SPATA22: variants seen among roughly 807,000 people sequenced by gnomAD.
SPATA22 encodes spermatogenesis associated 22, also known as spermatogenesis-associated protein 22.
A neutral mutation model predicts 47.8 loss-of-function variants in SPATA22; 29 were observed. The ratio of observed to expected loss-of-function variants is 0.61; its 90% confidence interval spans 0.45 to 0.83. SPATA22 has a LOEUF of 0.83. SPATA22 is among the 40% of genes least tolerant of loss of function. SPATA22 has a pLI of 0.00. For synonymous variants in SPATA22, 133 were observed against 140.9 expected (o/e 0.94, Z 0.40); for missense variants, 410 against 421.7 (o/e 0.97, Z 0.24).
intron 3 of SPATA22, among the ~76,000 whole-genome samples, chr17:3,464,152 C>T (rs1013521182): frequency 5.9e-5 from 9 of 152,094 alleles, no homozygotes; most frequent in South Asian, 2.1e-4. Context: ...GACTGGTTTT[C>T]GTATTTTTTT....
At chr17:3,457,530 C>T (rs950595837) in intron 5 of SPATA22, among the ~76,000 whole-genome samples, 5 of 152,100 alleles carry the variant, frequency 3.3e-5, no homozygotes, top group African/African-American at 1.2e-4. Flanking sequence ...CCAAAACAAT[C>T]TTGAGAAAGA....
intron 1 of SPATA22, chr17:3,502,062 G>A (rs1018197018): frequency 6.6e-6 from 1 of 152,130 alleles, no homozygotes; most frequent in Non-Finnish European, 1.5e-5. Flanking sequence ...TCAATGCAGC[G>A]AACTTGTTGT....
chr17:3,491,872 G>GT (rs1399498780), intron 1 of SPATA22, among the ~76,000 whole-genome samples: 12 of 109,144 alleles, frequency 1.1e-4, no homozygotes, highest in East Asian at 9.9e-4. Context: ...TTTTTCTTTT[G>GT]TTTTCTTTTT....
In SPATA22 at chr17:3,440,353, A is replaced by G. The variant is rs778888161; in HGVS notation, c.901-15T>C. 1 of 1,498,322 alleles carries G rather than the reference A, an allele frequency of 6.7e-7. No homozygotes were observed. The highest frequency in any genetic ancestry group is 8.9e-7 in the Non-Finnish European group (1 of 1,119,562). 92.8% of individuals were successfully genotyped at this position (1,498,322 alleles called of 1,614,324 possible). ...AGTTCACGATCCTGTTTTTCAAAAA[A>G]TAAGTATCAAAAAATAGTTATTACT... On this transcript the variant is annotated splice_polypyrimidine_tract_variant and intron_variant, in intron 8 of 8. Coordinates refer to ENST00000572969, the MANE Select transcript of SPATA22 (RefSeq NM_001170698.2).
intron 5 of SPATA22, among the ~76,000 whole-genome samples, chr17:3,456,067 G>A (rs2150712704): frequency 6.6e-6 from 1 of 152,212 alleles, no homozygotes; most frequent in East Asian, 1.9e-4. Flanking sequence ...ATTGTGAATG[G>A]GAATTCACTC....
In SPATA22 at chr17:3,448,939, T is replaced by C; in HGVS notation, c.540A>G (p.Ser180=). ...KETELLRQTH[S]SKISGCTMRG... Reference sequence around the variant, plus strand: ...TCATTGTGCAGCCAGATATTTTTGATGAATGTGTTTGTCTGAGTAGCTCGG... The same window carrying C: ...TCATTGTGCAGCCAGATATTTTTGACGAATGTGTTTGTCTGAGTAGCTCGG... The change falls in exon 6 of 9, where the codon TCA becomes TCG. Residue 180 remains serine, a synonymous_variant. Coordinates refer to ENST00000572969, the MANE Select transcript of SPATA22 (RefSeq NM_001170698.2). 6.2e-7 allele frequency: 1 copy of C among 1,614,084 alleles called. No homozygotes were observed.
chr17:3,499,078 G>A (rs1464721895), intron 1 of SPATA22: 1 of 1,613,822 alleles, frequency 6.2e-7, no homozygotes, highest in Admixed American at 1.7e-5. Context: ...ATTCGCTGCT[G>A]TTTACATTAG....
At chr17:3,486,068 G>A (rs886890226) in intron 1 of SPATA22, among the ~76,000 whole-genome samples, 4 of 152,036 alleles carry the variant, frequency 2.6e-5, no homozygotes, top group East Asian at 1.9e-4. Flanking sequence ...GAGTAGCTGG[G>A]ATTACAGGTG....
chr17:3,465,135 A>G (rs1362954254), intron 3 of SPATA22, among the ~76,000 whole-genome samples: 13 of 102,416 alleles, frequency 1.3e-4, no homozygotes, highest in African/African-American at 1.6e-4. Context: ...CCCGGCAGCC[A>G]CCCCGTCCGG....
At chr17:3,451,056 T>C (rs1353018203) in intron 5 of SPATA22, among the ~76,000 whole-genome samples, 1 of 152,160 alleles carries the variant, frequency 6.6e-6, no homozygotes, top group Non-Finnish European at 1.5e-5. Context: ...GTATGCTGTC[T>C]ACAATGAACT....
At chr17:3,441,859 TACAA>T (rs1345413468) in intron 8 of SPATA22, 2 of 152,150 alleles carry the variant, frequency 1.3e-5, no homozygotes, top group African/African-American at 4.8e-5. Context: ...AGATGAATCT[TACAA>T]ACATTTTGTC....
intron 1 of SPATA22, chr17:3,498,820 T>C: frequency 7.5e-7 from 1 of 1,339,460 alleles, no homozygotes; most frequent in Non-Finnish European, 9.9e-7. Flanking sequence ...GTTAGTTGTC[T>C]AGAGTCTGAC....
At chr17:3,446,201 T>C (rs2072722127) in intron 7 of SPATA22, among the ~76,000 whole-genome samples, 1 of 152,092 alleles carries the variant, frequency 6.6e-6, no homozygotes, top group South Asian at 2.1e-4. Context: ...ATCTGCAAAG[T>C]CTCTTTTGCC....
At chr17:3,470,661 G>A (rs2073409126) in intron 1 of SPATA22, among the ~76,000 whole-genome samples, 1 of 151,870 alleles carries the variant, frequency 6.6e-6, no homozygotes, top group South Asian at 2.1e-4. Flanking sequence ...TGAGGCAGGA[G>A]AATGGCATGA....
intron 5 of SPATA22, among the ~76,000 whole-genome samples, chr17:3,453,011 C>T (rs2072900317): frequency 2.0e-5 from 3 of 152,198 alleles, no homozygotes; most frequent in South Asian, 2.1e-4. Context: ...GGGAATTCCA[C>T]TTCCAAATTC....
intron 1 of SPATA22, among the ~76,000 whole-genome samples, chr17:3,478,825 C>T (rs2073578474): frequency 6.6e-6 from 1 of 152,260 alleles, no homozygotes; most frequent in African/African-American, 2.4e-5. Flanking sequence ...CATTATCCAC[C>T]AAGTCCCCTG....
At chr17:3,505,649 G>A (rs1343332289) in intron 1 of SPATA22, among the ~76,000 whole-genome samples, 1 of 152,220 alleles carries the variant, frequency 6.6e-6, no homozygotes, top group Non-Finnish European at 1.5e-5. Context: ...ATGTTCCAGG[G>A]CAGCAGGACC....
chr17:3,483,652 A>C lies in SPATA22; in HGVS notation c.-73-14254T>G, dbSNP rs1316236831. The C allele has an allele frequency of 3.4e-6, 5 of 1,462,150 alleles. No individual in the cohort carries two copies. The African/African-American group carries it at 7.0e-5, about 20-fold the overall frequency. The allele number at this position is 1,462,150 out of a possible 1,614,324, so 90.6% of individuals were successfully genotyped here. A position where few individuals can be genotyped will look rare whatever the true frequency, so the allele number is the denominator to read the frequency against. On this transcript the variant is annotated intron_variant, in intron 1 of 8. Transcript: ENST00000541913. ...AATATGTCCTAGCTGAAACTCAGAG[A>C]AATTTATTTTTTATCTTATTTTATT...
At chr17:3,496,792 A>T (rs62071299) in intron 1 of SPATA22, among the ~76,000 whole-genome samples, 194 of 152,074 alleles carry the variant, frequency 1.3e-3, no homozygotes, top group African/African-American at 2.9e-3. Context: ...CCTGGCCAGG[A>T]GCGGTGGCTC....
Sources: allele counts gnomAD v4.1 joint callset (sites outside exome capture counted in the v4.1 genomes callset), GRCh38; gene constraint gnomAD v4.1.1; transcripts MANE v1.5; gene names NCBI Gene and HGNC (gene_info 2026-07-23, HGNC 2026-07-21).